The following TAF4B variants were observed in gnomAD, a reference collection of about 807,000 sequenced individuals.
TAF4B encodes the protein TATA-box binding protein associated factor 4b, also known as transcription initiation factor TFIID subunit 4B.
In TAF4B, 38 loss-of-function variants were observed where a neutral mutation model predicts 86.4. The observed-to-expected ratio is 0.44, with a 90% CI of 0.34 to 0.58. The LOEUF (loss-of-function observed/expected upper bound fraction) is 0.58. Among genes scored for constraint, TAF4B ranks in the 20% least tolerant of loss-of-function variants. TAF4B has a pLI of 0.02. For synonymous variants in TAF4B, 388 were observed against 391.2 expected (o/e 0.99, Z 0.10); for missense variants, 988 against 1,027.6 (o/e 0.96, Z 0.53).
At chr18:26,242,626 T>C (rs1181329029) in intron 1 of TAF4B, among the ~76,000 whole-genome samples, 1 of 152,176 alleles carries the variant, frequency 6.6e-6, no homozygotes, top group Non-Finnish European at 1.5e-5. Flanking sequence ...ATCCTGTCAT[T>C]ATGATGTAAG....
At chr18:26,276,344 G>A (rs1677018) in intron 5 of TAF4B, among the ~76,000 whole-genome samples, 53,800 of 151,962 alleles carry the variant, frequency 0.35, 11,602 homozygotes, top group East Asian at 0.81. Context: ...GGAGATAGAA[G>A]TTAGCAAATA....
At chr18:26,272,436 A>T (rs1028943709) in intron 3 of TAF4B, among the ~76,000 whole-genome samples, 1 of 152,050 alleles carries the variant, frequency 6.6e-6, no homozygotes, top group Non-Finnish European at 1.5e-5. Flanking sequence ...GGTAAGATAC[A>T]AGTAGTAGCT....
At chr18:26,384,600 CTT>C (rs1391187973) in intron 14 of TAF4B, among the ~76,000 whole-genome samples, 7 of 152,092 alleles carry the variant, frequency 4.6e-5, no homozygotes. Flanking sequence ...TTAGTGAAGA[CTT>C]GAGATAATAG....
chr18:26,300,264 C>T (rs555468933), intron 9 of TAF4B, among the ~76,000 whole-genome samples: 3 of 151,758 alleles, frequency 2.0e-5, no homozygotes, highest in Admixed American at 6.6e-5. Flanking sequence ...GCTGGGATTA[C>T]AGGCATGAGC....
At chr18:26,252,706 A>G (rs926046892) in intron 1 of TAF4B, among the ~76,000 whole-genome samples, 2 of 152,060 alleles carry the variant, frequency 1.3e-5, no homozygotes, top group Non-Finnish European at 2.9e-5. Context: ...GTTTGTGTTC[A>G]GGTAACCCTA....
chr18:26,328,489 A>G (rs776446953), intron 12 of TAF4B, among the ~76,000 whole-genome samples: 4 of 152,138 alleles, frequency 2.6e-5, no homozygotes, highest in Non-Finnish European at 5.9e-5. Context: ...AAAACTCCAG[A>G]AAAACCTAAT....
intron 14 of TAF4B, among the ~76,000 whole-genome samples, chr18:26,386,262 A>G (rs927847063): frequency 2.6e-5 from 4 of 152,134 alleles, no homozygotes; most frequent in African/African-American, 7.2e-5. Flanking sequence ...TCACATGACA[A>G]ACATGAACTG....
At chr18:26,326,646 G>T (rs950003387) in intron 11 of TAF4B, among the ~76,000 whole-genome samples, 1 of 152,124 alleles carries the variant, frequency 6.6e-6, no homozygotes, top group South Asian at 2.1e-4. Flanking sequence ...GTCTGCTGAG[G>T]TAGATAATAA....
intron 1 of TAF4B, among the ~76,000 whole-genome samples, chr18:26,231,345 G>GTTT (rs2055667015): frequency 2.0e-5 from 1 of 50,670 alleles, no homozygotes; most frequent in Non-Finnish European, 3.3e-5. Flanking sequence ...GCTGCTTGGG[G>GTTT]TTTTTTTTTT....
intron 13 of TAF4B, among the ~76,000 whole-genome samples, chr18:26,351,134 G>A (rs2144725138): frequency 6.6e-6 from 1 of 152,162 alleles, no homozygotes; most frequent in Admixed American, 6.5e-5. Flanking sequence ...AACAACAGAT[G>A]AATGGATAAA....
At chr18:26,359,427 A>T (rs1223336653) in intron 14 of TAF4B, among the ~76,000 whole-genome samples, 1 of 152,188 alleles carries the variant, frequency 6.6e-6, no homozygotes, top group Non-Finnish European at 1.5e-5. Context: ...TATGGGAAAA[A>T]ATTCAAATAT....
Position 26,282,039 on chromosome 18 carries a change from T to C in TAF4B, c.951T>C (p.Pro317=). The C allele has an allele frequency of 6.2e-7, 1 of 1,613,090 alleles. No homozygotes were observed. Among genetic ancestry groups the C allele is most frequent in the South Asian group, 1.1e-5 (1 of 90,890 alleles). The part of the protein sequence containing the change: ...LYVELKSSPQ[P]HLVPFLKKSV... ...TTGAACTCAAGTCTTCACCTCAGCCTCACCTGGTTCCTTTTCTTAAGGTAG... is the reference window on the plus strand; with the variant it reads ...TTGAACTCAAGTCTTCACCTCAGCCCCACCTGGTTCCTTTTCTTAAGGTAG... The change falls in exon 6 of 15, where the codon CCT becomes CCC. Residue 317 remains proline, a synonymous_variant. Transcript: ENST00000269142.
At chr18:26,296,008 G>GTGTT (rs1355559763) in intron 9 of TAF4B, among the ~76,000 whole-genome samples, 1 of 151,814 alleles carries the variant, frequency 6.6e-6, no homozygotes, top group Non-Finnish European at 1.5e-5. Context: ...GTGTGTGTGT[G>GTGTT]TGTTTCAGGG....
At chr18:26,334,190 G>A (rs2057072863) in intron 12 of TAF4B, among the ~76,000 whole-genome samples, 1 of 152,090 alleles carries the variant, frequency 6.6e-6, no homozygotes, top group Admixed American at 6.5e-5. Context: ...TGAATTTTGT[G>A]TAGATATTTA....
In TAF4B at chr18:26,327,127, T is replaced by C; in HGVS notation, c.2246T>C (p.Leu749Pro). The change falls in exon 12 of 15, where the codon CTT becomes CCT. Residue 749 changes from leucine (L) to proline (P), a missense_variant. By Grantham distance (98) the Leu-to-Pro change is moderately conservative. Around this residue, in one of 3 missense-constraint regions of TAF4B, gnomAD observed 216 missense variants for 238.4 expected, o/e 0.91. Coordinates refer to ENST00000269142, the MANE Select transcript of TAF4B (RefSeq NM_005640.3). ...RKDLEEREML[L>P]KAAKSRSNKE... ...GATTTGGAAGAAAGAGAAATGTTAC[T>C]TAAGGCAGCCAAGGTAAGGGCCAGT... is the stretch of plus-strand genomic sequence containing the variant. 6.2e-7 allele frequency: 1 copy of C among 1,612,300 alleles called. No homozygotes were observed. The highest frequency in any genetic ancestry group is 8.5e-7 in the Non-Finnish European group (1 of 1,179,702).
intron 1 of TAF4B, among the ~76,000 whole-genome samples, chr18:26,240,654 T>C (rs1357807060): frequency 6.6e-6 from 1 of 152,214 alleles, no homozygotes; most frequent in African/African-American, 2.4e-5. Context: ...GGCATCCCTG[T>C]CTTGTGCCAG....
chr18:26,235,759 G>A (rs1450054247), intron 1 of TAF4B, among the ~76,000 whole-genome samples: 2 of 152,194 alleles, frequency 1.3e-5, no homozygotes, highest in African/African-American at 4.8e-5. Context: ...CCAGAGCAGT[G>A]AACCATTCTG....
At chr18:26,311,593 C>T (rs2056854544) in intron 9 of TAF4B, among the ~76,000 whole-genome samples, 1 of 152,036 alleles carries the variant, frequency 6.6e-6, no homozygotes. Flanking sequence ...TGCACTCCAG[C>T]CTGGGCGACA....
intron 7 of TAF4B, among the ~76,000 whole-genome samples, chr18:26,290,983 T>A (rs139634029): frequency 2.6e-5 from 4 of 152,332 alleles, no homozygotes; most frequent in Non-Finnish European, 5.9e-5. Flanking sequence ...AAAAGAGTTC[T>A]TGTCTATTCT....
Sources: gnomAD v4.1 joint callset for allele counts (sites outside exome capture counted in the v4.1 genomes callset) on GRCh38, gnomAD v4.1.1 for gene constraint, gnomAD v4.1.1 regional missense constraint, MANE v1.5 for transcripts, NCBI Gene and HGNC (gene_info 2026-07-23, HGNC 2026-07-21) for gene names.